Variants in GABBR2 observed in about 807,000 individuals in gnomAD.
GABBR2 encodes gamma-aminobutyric acid type B receptor subunit 2.
A neutral mutation model predicts 105.6 loss-of-function variants in GABBR2; 23 were observed. The observed-to-expected ratio is 0.22, with a 90% CI of 0.16 to 0.31. The LOEUF (loss-of-function observed/expected upper bound fraction) is 0.31, where lower values mean the gene tolerates loss of function less well. Ranked by LOEUF, GABBR2 falls within the 10% of genes least tolerant of loss-of-function variation. The pLI, the probability that GABBR2 is intolerant of heterozygous loss-of-function variation, is 1.00. For missense variants in GABBR2, 734 were observed against 1,245.5 expected (o/e 0.59, Z 6.18); for synonymous variants, 478 against 499.7 (o/e 0.96, Z 0.58).
intron 3 of GABBR2, among the ~76,000 whole-genome samples, chr9:98,507,829 G>A (rs1483553375): frequency 1.3e-5 from 2 of 152,198 alleles, no homozygotes; most frequent in Non-Finnish European, 2.9e-5. Flanking sequence ...CCCTCCAGAT[G>A]CCTAGCACAG....
At chr9:98,618,169 G>A (rs1434984177) in intron 1 of GABBR2, among the ~76,000 whole-genome samples, 1 of 152,196 alleles carries the variant, frequency 6.6e-6, no homozygotes, top group East Asian at 1.9e-4. Flanking sequence ...TGCAGCTCCA[G>A]TTCTCTGGTC....
At chr9:98,552,666 G>A (rs971438171) in intron 2 of GABBR2, among the ~76,000 whole-genome samples, 3 of 152,200 alleles carry the variant, frequency 2.0e-5, no homozygotes, top group African/African-American at 4.8e-5. Context: ...TGGCATTTGA[G>A]TGAGTTCTGG....
intron 1 of GABBR2, among the ~76,000 whole-genome samples, chr9:98,613,187 C>T (rs1003498620): frequency 1.3e-5 from 2 of 152,172 alleles, no homozygotes; most frequent in African/African-American, 4.8e-5. Flanking sequence ...GCCTATAATT[C>T]CAACACCTTG....
intron 17 of GABBR2, among the ~76,000 whole-genome samples, chr9:98,296,970 T>G (rs1394678678): frequency 6.6e-6 from 1 of 152,156 alleles, no homozygotes; most frequent in African/African-American, 2.4e-5. Context: ...TCTCTGAGAT[T>G]ATTTTTTAAA....
intron 3 of GABBR2, 35 bp from the exon 4 acceptor site, chr9:98,496,549 T>C: frequency 6.9e-7 from 1 of 1,448,554 alleles, no homozygotes; most frequent in Non-Finnish European, 9.7e-7. Context: ...GTGGGTGTGC[T>C]GGGGACCACA....
chr9:98,652,173 C>T (rs1276344840), intron 1 of GABBR2, among the ~76,000 whole-genome samples: 3 of 152,122 alleles, frequency 2.0e-5, no homozygotes, highest in Non-Finnish European at 4.4e-5. Flanking sequence ...TCTTTGTTCT[C>T]AAGGGCCTGG....
At chr9:98,389,127 A>G (rs1832133671) in intron 9 of GABBR2, 123 bp from the exon 10 acceptor site, 3 of 764,104 alleles carry the variant, frequency 3.9e-6, no homozygotes, top group African/African-American at 1.7e-5. Context: ...AGGCACATCT[A>G]TCTACCGGGT....
At chr9:98,602,079 C>A (rs979989093) in intron 1 of GABBR2, among the ~76,000 whole-genome samples, 1 of 152,078 alleles carries the variant, frequency 6.6e-6, no homozygotes, top group Non-Finnish European at 1.5e-5. Flanking sequence ...CAGCTCACTG[C>A]AGCCTCACCC....
chr9:98,364,297 T>C (rs954000161), intron 12 of GABBR2, among the ~76,000 whole-genome samples: 1 of 152,210 alleles, frequency 6.6e-6, no homozygotes, highest in Admixed American at 6.5e-5. Context: ...GCTTAGCAGT[T>C]AGGGGATGGG....
At chr9:98,393,178 CCA>C in intron 9 of GABBR2, among the ~76,000 whole-genome samples, 1 of 148,214 alleles carries the variant, frequency 6.7e-6, no homozygotes, top group Admixed American at 6.7e-5. Flanking sequence ...ATCCATCCAT[CCA>C]TCCATCTATC....
At chr9:98,441,026 A>G (rs1223203236) in intron 7 of GABBR2, among the ~76,000 whole-genome samples, 1 of 152,188 alleles carries the variant, frequency 6.6e-6, no homozygotes, top group Non-Finnish European at 1.5e-5. Flanking sequence ...ATTTTCCTCA[A>G]TAGTGGGGCT....
chr9:98,492,162 C>A (rs562493636), intron 4 of GABBR2, among the ~76,000 whole-genome samples: 2 of 151,696 alleles, frequency 1.3e-5, no homozygotes, highest in East Asian at 3.9e-4. Context: ...TTTGGCAAAA[C>A]CTGTCTAAGT....
chr9:98,645,556 C>T (rs1046043985), intron 1 of GABBR2, among the ~76,000 whole-genome samples: 1 of 152,212 alleles, frequency 6.6e-6, no homozygotes, highest in Non-Finnish European at 1.5e-5. Flanking sequence ...AGGGTGAATT[C>T]ACCAGTGCTC....
At chr9:98,669,269 C>T (rs1324957465) in intron 1 of GABBR2, among the ~76,000 whole-genome samples, 2 of 152,096 alleles carry the variant, frequency 1.3e-5, no homozygotes, top group African/African-American at 2.4e-5. Context: ...GGGTGTAAAG[C>T]GGTGACTCGT....
At chr9:98,404,382 T>C (rs1324786621) in intron 8 of GABBR2, among the ~76,000 whole-genome samples, 3 of 152,182 alleles carry the variant, frequency 2.0e-5, no homozygotes, top group Non-Finnish European at 2.9e-5. Context: ...GTCTACAAGA[T>C]TGCATTACAG....
Position 98,288,770 on chromosome 9 carries a change from A to G in GABBR2, c.*1814T>C, listed in dbSNP as rs905402110. 6.6e-6 allele frequency: 1 copy of G among 152,584 alleles called. No individual in the cohort carries two copies. Among genetic ancestry groups the G allele is most frequent in the African/African-American group, 2.4e-5 (1 of 41,428 alleles). The allele number at this position is 152,584 out of a possible 1,614,324, so 9.5% of individuals were successfully genotyped here. On this transcript the variant is annotated 3_prime_UTR_variant, in exon 19 of 19. Transcript: ENST00000259455. ...TTTCCCTAAAAGCTACAGTACCTCC[A>G]TAACCTCTCTTTGGGGAAGGGGAGC...
At chr9:98,404,623 T>C (rs1832457088) in intron 8 of GABBR2, among the ~76,000 whole-genome samples, 1 of 152,114 alleles carries the variant, frequency 6.6e-6, no homozygotes, top group Non-Finnish European at 1.5e-5. Context: ...TTTTGGCTAA[T>C]CACCCCGCTA....
At chr9:98,584,757 CA>C (rs1829045378) in intron 1 of GABBR2, among the ~76,000 whole-genome samples, 1 of 152,162 alleles carries the variant, frequency 6.6e-6, no homozygotes, top group Non-Finnish European at 1.5e-5. Context: ...TTACTCCATG[CA>C]GAATTTCAGA....
rs371517058 is a variant in GABBR2, at chr9:98,589,211, C to T, written c.322-11139G>A. Among the ~76,000 whole-genome samples the T allele has an allele frequency of 5.1e-4, 77 of 152,226 alleles. 3 individuals carry two copies. The South Asian group carries it at 0.015, about 30-fold the overall frequency. ...GCTGCTGCCAGGGACTGTTCCTACCCGAGCCTCTTTCCTTCCCCACACCCT... is the reference window on the plus strand; with the variant it reads ...GCTGCTGCCAGGGACTGTTCCTACCTGAGCCTCTTTCCTTCCCCACACCCT... On this transcript the variant is annotated intron_variant, in intron 1 of 18. Transcript: ENST00000259455.
Sources: allele counts gnomAD v4.1 joint callset (sites outside exome capture counted in the v4.1 genomes callset), GRCh38; gene constraint gnomAD v4.1.1; transcripts MANE v1.5; gene names NCBI Gene and HGNC (gene_info 2026-07-23, HGNC 2026-07-21).